The following ANKDD1A variants were observed in gnomAD, a reference collection of about 807,000 sequenced individuals.
ANKDD1A encodes the protein ankyrin repeat and death domain-containing protein 1A.
In ANKDD1A, 59 loss-of-function variants were observed where a neutral mutation model predicts 63.5. That is an observed-to-expected ratio of 0.93 (90% CI 0.75 to 1.15). ANKDD1A has a LOEUF of 1.15. ANKDD1A is among the 50% of genes most tolerant of loss of function. ANKDD1A has a pLI of 0.00. For synonymous variants in ANKDD1A, 266 were observed against 263.9 expected, an observed-to-expected ratio of 1.01 and a Z score of -0.08; for missense variants, 632 against 656.4, an observed-to-expected ratio of 0.96 and a Z score of 0.41.
In ANKDD1A at chr15:64,958,607, G is replaced by C. The variant is rs952854586; in HGVS notation, c.*1419G>C. 6.6e-6 allele frequency: 1 copy of C among 152,224 alleles called. No homozygotes were observed. The highest frequency in any genetic ancestry group is 1.9e-4 in the East Asian group (1 of 5,182). 9.4% of individuals were successfully genotyped at this position (152,224 alleles called of 1,614,324 possible). A position where few individuals can be genotyped will look rare whatever the true frequency, so the allele number is the denominator to read the frequency against. ...ATATGGGACTGAAATCATTTATCTG[G>C]ATGAATTTTATAAAATGAATTTTGT... is the stretch of plus-strand genomic sequence containing the variant. On this transcript the variant is annotated 3_prime_UTR_variant, in exon 15 of 15. Coordinates refer to ENST00000319580, the MANE Select transcript of ANKDD1A (RefSeq NM_182703.6).
In ANKDD1A at chr15:64,942,490, C is replaced by T. The variant is rs148018885; in HGVS notation, c.891C>T (p.Leu297=). Residue 297 remains leucine, a synonymous_variant, in exon 10 of 15, where the codon CTC becomes CTT. Coordinates refer to ENST00000319580, the MANE Select transcript of ANKDD1A (RefSeq NM_182703.6). ...VDHQGASPLH[L]AVRHNFPALV... is the part of the protein sequence containing the mutation. ...AGCAGGGTGCCTCTCCTCTGCACCTCGCTGTGAGGCACAACTTCCCTGCCT... is the reference window on the plus strand; with the variant it reads ...AGCAGGGTGCCTCTCCTCTGCACCTTGCTGTGAGGCACAACTTCCCTGCCT... 19 of 1,613,506 alleles carry T rather than the reference C, an allele frequency of 1.2e-5. No individual in the cohort carries two copies. Among genetic ancestry groups the T allele is most frequent in the East Asian group, 2.2e-5 (1 of 44,826 alleles).
intron 14 of ANKDD1A, chr15:64,951,345 T>G: frequency 1.8e-6 from 1 of 552,812 alleles, no homozygotes; most frequent in Non-Finnish European, 2.2e-6. Context: ...TCTTTCTTCT[T>G]TCCTCTTCTT....
At position 64,912,828 on chromosome 15, in the gene ANKDD1A, G is replaced by A. The variant is rs560671846; in HGVS notation, c.34+864G>A. ...ATCTACTCAGCTGAGGGATGTGTTG[G>A]GGGTGGGAATGCTCAATCAAGATTA... On this transcript the variant is annotated intron_variant, in intron 1 of 14. Coordinates refer to ENST00000319580, the MANE Select transcript of ANKDD1A (RefSeq NM_182703.6). Among the ~76,000 whole-genome samples the A allele has an allele frequency of 2.6e-5, 4 of 152,362 alleles. No homozygotes were observed. In the South Asian group the frequency reaches 8.3e-4, roughly 32 times the overall value.
Position 64,926,914 on chromosome 15 carries a change from C to G in ANKDD1A, c.485C>G (p.Ala162Gly), listed in dbSNP as rs761588607. The change falls in exon 6 of 15, where the codon GCG becomes GGG. Residue 162 changes from alanine to glycine, a missense_variant. By Grantham distance (60) the Ala-to-Gly change is moderately conservative (BLOSUM62 0). Coordinates refer to ENST00000319580, the MANE Select transcript of ANKDD1A (RefSeq NM_182703.6). ...CCTCCCGGCCAGCTGGGGAGGACGG[C>G]GTTTCACAGGGCAGCTGAGCACGGG... ...LDHVDKLGRT[A>G]FHRAAEHGQL... 13 of 1,614,152 alleles carry G rather than the reference C, an allele frequency of 8.1e-6. No homozygotes were observed. The highest frequency in any genetic ancestry group is 1.1e-5 in the Non-Finnish European group (13 of 1,180,040).
intron 4 of ANKDD1A, among the ~76,000 whole-genome samples, chr15:64,925,728 C>G (rs1468626043): frequency 6.6e-6 from 1 of 152,184 alleles, no homozygotes; most frequent in Admixed American, 6.5e-5. Context: ...TAGGTCCAGT[C>G]CTCTCAACCA....
At chr15:64,933,846 A>T (rs184775854) in intron 8 of ANKDD1A, among the ~76,000 whole-genome samples, 46 of 152,222 alleles carry the variant, frequency 3.0e-4, no homozygotes, top group Admixed American at 2.7e-3. Context: ...GTCTCGGGAA[A>T]AAAAAAAGTC....
At chr15:64,950,728 C>CGGGGGGGGGGGG in intron 14 of ANKDD1A, 4 of 450,216 alleles carry the variant, frequency 8.9e-6, no homozygotes, top group African/African-American at 7.7e-5. Flanking sequence ...AAGAAAGGAC[C>CGGGGGGGGGGGG]GCCCCCCCCC....
At chr15:64,935,474 G>A (rs139884856) in intron 9 of ANKDD1A, among the ~76,000 whole-genome samples, 1,994 of 152,128 alleles carry the variant, frequency 0.013, 44 homozygotes, top group African/African-American at 0.045. Flanking sequence ...AGGAGATCGA[G>A]ACCATCCTGG....
Position 64,947,569 on chromosome 15 carries a change from GA to G in ANKDD1A, c.1328del (p.Asp443AlafsTer72), listed in dbSNP as rs2085233904. 1 of 1,613,924 alleles carries G rather than the reference GA, an allele frequency of 6.2e-7. No individual in the cohort carries two copies. The highest frequency in any genetic ancestry group is 1.3e-5 in the African/African-American group (1 of 74,898). Reference protein sequence around the residue: ...YSWEFTEAHVDAIEQQWTGTR... With the variant: ...YSWEFTEAHVXAIEQQWTGTR... The stretch of plus-strand genomic sequence containing the variant: ...CTGGGAGTTCACGGAGGCACATGTC[GA>G]CGCCATCGAGCAACAGTGGACAGGT... On this transcript the variant is annotated frameshift_variant, in exon 13 of 15. Transcript: ENST00000319580. LOFTEE classifies it high-confidence loss of function.
intron 9 of ANKDD1A, among the ~76,000 whole-genome samples, chr15:64,937,462 C>T (rs1041488192): frequency 1.4e-4 from 22 of 152,286 alleles, no homozygotes; most frequent in Admixed American, 1.4e-3. Flanking sequence ...GGCGCAGTGG[C>T]TCACACCTGT....
In ANKDD1A at chr15:64,948,915, C is replaced by T. The variant is rs532143642; in HGVS notation, c.1352-926C>T. Among the ~76,000 whole-genome samples the T allele has an allele frequency of 5.3e-5, 8 of 152,226 alleles. No homozygotes were observed. In the South Asian group the frequency reaches 1.2e-3, roughly 24 times the overall value. ...GGATAGAGCAGAGTTCAAAAGTAAA[C>T]GCTGCTACGGATAAGAACTTTCATA... is the stretch of plus-strand genomic sequence containing the variant. On this transcript the variant is annotated intron_variant, in intron 13 of 14. Coordinates refer to ENST00000319580, the MANE Select transcript of ANKDD1A (RefSeq NM_182703.6).
chr15:64,937,013 A>T (rs992602477), intron 9 of ANKDD1A, among the ~76,000 whole-genome samples: 1 of 152,202 alleles, frequency 6.6e-6, no homozygotes, highest in Non-Finnish European at 1.5e-5. Flanking sequence ...TTCTTCACTC[A>T]TTAGGTTGGC....
chr15:64,943,606 C>T (rs763838088), intron 11 of ANKDD1A, 24 bp downstream of exon 11: 10 of 1,609,176 alleles, frequency 6.2e-6, no homozygotes, highest in Admixed American at 5.0e-5. Flanking sequence ...CAACCCACCT[C>T]GCTTCAGGCT....
intron 13 of ANKDD1A, 112 bp from the exon 14 acceptor site, chr15:64,949,729 T>G (rs2085254207): frequency 6.7e-7 from 1 of 1,493,548 alleles, no homozygotes. Flanking sequence ...TTTGGCCTCT[T>G]TCCCACCTGG....
At chr15:64,934,456 C>G (rs1361779329) in intron 9 of ANKDD1A, among the ~76,000 whole-genome samples, 1 of 151,018 alleles carries the variant, frequency 6.6e-6, no homozygotes, top group Non-Finnish European at 1.5e-5. Flanking sequence ...TTATTAGCTC[C>G]TGTTCTCTGC....
At chr15:64,951,774 T>A (rs2085286812) in intron 14 of ANKDD1A, among the ~76,000 whole-genome samples, 2 of 145,286 alleles carry the variant, frequency 1.4e-5, no homozygotes, top group Non-Finnish European at 1.5e-5. Context: ...TTTCTTCTTC[T>A]TTCCTTTCTT....
intron 6 of ANKDD1A, among the ~76,000 whole-genome samples, chr15:64,929,107 G>T (rs968668545): frequency 1.3e-5 from 2 of 152,212 alleles, no homozygotes; most frequent in South Asian, 2.1e-4. Context: ...AGAGAAGCTG[G>T]CAAGGAGAGA....
rs2085365957 is a variant in ANKDD1A at position 64,953,920 on chromosome 15, CTTTTTCTTTTTTCT to C, written c.1484-3179_1484-3166del. ...TTCTTTCTTCCCTCTTCTTTCTTCT[CTTTTTCTTTTTTCT>C]TTTCTTCCTCTTCTTCTATTGTTTC... On this transcript the variant is annotated intron_variant, in intron 14 of 14. Transcript: ENST00000319580. Among the ~76,000 whole-genome samples the C allele has an allele frequency of 1.1e-4, 4 of 36,552 alleles. No individual in the cohort carries two copies. The South Asian group carries it at 3.9e-3, about 35-fold the overall frequency. The allele number at this position is 36,552 out of a possible 152,430, so 24.0% of individuals were successfully genotyped here. A position where few individuals can be genotyped will look rare whatever the true frequency, so the allele number is the denominator to read the frequency against.
At chr15:64,956,507 T>C (rs1348214028) in intron 14 of ANKDD1A, among the ~76,000 whole-genome samples, 1 of 152,016 alleles carries the variant, frequency 6.6e-6, no homozygotes, top group East Asian at 1.9e-4. Flanking sequence ...GAGCCGAGAC[T>C]GTGCCACTGC....
Sources: allele counts gnomAD v4.1 joint callset (sites outside exome capture counted in the v4.1 genomes callset), GRCh38; gene constraint gnomAD v4.1.1; transcripts MANE v1.5; gene names NCBI Gene and HGNC (gene_info 2026-07-23, HGNC 2026-07-21).